Variants in RASA3 observed in about 807,000 individuals in gnomAD.
RASA3 encodes the protein RAS p21 protein activator 3, also known as ras GTPase-activating protein 3.
A neutral mutation model predicts 110.0 loss-of-function variants in RASA3; 73 were observed. The observed-to-expected ratio is 0.66, with a 90% CI of 0.55 to 0.81. The LOEUF is 0.81. Ranked by LOEUF, RASA3 falls within the 30% of genes least tolerant of loss-of-function variation. The pLI, the probability that RASA3 is intolerant of heterozygous loss-of-function variation, is 0.00. For synonymous variants in RASA3, 500 were observed against 451.4 expected, an observed-to-expected ratio of 1.11 and a Z score of -1.37; for missense variants, 976 against 1,113.2, an observed-to-expected ratio of 0.88 and a Z score of 1.75.
intron 1 of RASA3, among the ~76,000 whole-genome samples, chr13:114,083,324 C>T (rs1032089718): frequency 6.6e-6 from 1 of 152,238 alleles, no homozygotes; most frequent in African/African-American, 2.4e-5. Flanking sequence ...TCAATTTCCT[C>T]CGATGTGTGG....
At chr13:114,046,234 C>T (rs1283653039) in intron 3 of RASA3, among the ~76,000 whole-genome samples, 1 of 152,240 alleles carries the variant, frequency 6.6e-6, no homozygotes, top group Non-Finnish European at 1.5e-5. Context: ...ATATGACACA[C>T]AGCAGGCGAG....
At chr13:114,004,034 A>T (rs910886659) in intron 18 of RASA3, among the ~76,000 whole-genome samples, 1 of 152,244 alleles carries the variant, frequency 6.6e-6, no homozygotes, top group Non-Finnish European at 1.5e-5. Context: ...AACATTTTGC[A>T]TTTCTAACAT....
rs763675415 is a variant in RASA3, at chr13:114,017,353, T to A, written c.1092-2A>T. ...CCTCGGAAGATGGTGTTGGGGTCCC[T>A]GGGAAATGGCGATGGGGACAGCGTT... On this transcript the variant is annotated splice_acceptor_variant, in intron 11 of 23. Transcript: ENST00000334062. LOFTEE classifies it high-confidence loss of function. 1 of 1,612,122 alleles carries A rather than the reference T, an allele frequency of 6.2e-7. No homozygotes were observed.
intron 1 of RASA3, among the ~76,000 whole-genome samples, chr13:114,092,582 T>A (rs1473310391): frequency 6.6e-6 from 1 of 152,218 alleles, no homozygotes; most frequent in African/African-American, 2.4e-5. Context: ...TGAGCTAACC[T>A]ATAGTCTATC....
chr13:114,017,113 G>A, intron 12 of RASA3, 124 bp downstream of exon 12: 9 of 827,118 alleles, frequency 1.1e-5, no homozygotes, highest in Non-Finnish European at 1.8e-5. Context: ...TCCCCGTGGC[G>A]AGGCCAGAGG....
chr13:113,977,835 C>T lies in RASA3; in HGVS notation c.*1512G>A, dbSNP rs528007649. The T allele has an allele frequency of 6.6e-6, 1 of 152,508 alleles. No homozygotes were observed. Among genetic ancestry groups the T allele is most frequent in the Admixed American group, 6.5e-5 (1 of 15,290 alleles). 9.4% of individuals were successfully genotyped at this position (152,508 alleles called of 1,614,324 possible). ...TTGGCCAGTAAAATACATTGCAAAT[C>T]ATTAGTATTTTATAAACAGAAACAT... On this transcript the variant is annotated 3_prime_UTR_variant, in exon 24 of 24. Transcript: ENST00000334062.
At chr13:114,088,798 C>T (rs1233880501) in intron 1 of RASA3, among the ~76,000 whole-genome samples, 1 of 152,210 alleles carries the variant, frequency 6.6e-6, no homozygotes, top group Non-Finnish European at 1.5e-5. Flanking sequence ...GATCCAACCG[C>T]CTTGGCCTCC....
At chr13:114,018,942 G>A in intron 9 of RASA3, 23 bp from the exon 10 acceptor site, 1 of 1,612,716 alleles carries the variant, frequency 6.2e-7, no homozygotes, top group Non-Finnish European at 8.5e-7. Context: ...GACACATGGA[G>A]GGGAGGCATG....
chr13:114,055,610 TACA>T (rs11467997), intron 2 of RASA3, among the ~76,000 whole-genome samples: 20,553 of 152,322 alleles, frequency 0.13, 1,773 homozygotes, highest in Middle Eastern at 0.21. Context: ...TTGGGATTTT[TACA>T]ACGACAAAAC....
intron 1 of RASA3, among the ~76,000 whole-genome samples, chr13:114,117,790 CGT>C (rs777177114): frequency 3.3e-5 from 4 of 120,372 alleles, no homozygotes; most frequent in African/African-American, 9.9e-5. Flanking sequence ...GAGGAGAGCA[CGT>C]GTGTGAGGGG....
intron 14 of RASA3, among the ~76,000 whole-genome samples, chr13:114,013,944 ATCTCTCTG>A (rs538615405): frequency 0.02 from 586 of 28,978 alleles, 40 homozygotes; most frequent in East Asian, 0.14. Flanking sequence ...CCCTGTCTCT[ATCTCTCTG>A]TCTCTCTCTC....
rs1052813638 is a variant in RASA3, at chr13:114,112,105, C to CCCCT, written c.55+20329_55+20330insAGGG. ...GAAACAGCAGCCCCCAGGCACCCCC[C>CCCCT]CCAGCAACTGGGACAAGGGCACACC... On this transcript the variant is annotated intron_variant, in intron 1 of 23. Coordinates refer to ENST00000334062, the MANE Select transcript of RASA3 (RefSeq NM_007368.4). The surrounding 1 kb of genome is among the most constrained non-coding windows in gnomAD (Gnocchi z 4.8). Among the ~76,000 whole-genome samples, 2 of 151,740 alleles carry CCCCT rather than the reference C, an allele frequency of 1.3e-5. No homozygotes were observed. Among genetic ancestry groups the CCCCT allele is most frequent in the Non-Finnish European group, 2.9e-5 (2 of 67,910 alleles).
intron 1 of RASA3, among the ~76,000 whole-genome samples, chr13:114,080,519 C>A (rs914530810): frequency 3.9e-5 from 6 of 152,148 alleles, no homozygotes; most frequent in African/African-American, 1.2e-4. Context: ...GGTGACCAGG[C>A]CCAGATGTTA....
chr13:114,115,138 C>A lies in RASA3; in HGVS notation c.55+17297G>T, dbSNP rs1019765077. On this transcript the variant is annotated intron_variant, in intron 1 of 23. Coordinates refer to ENST00000334062, the MANE Select transcript of RASA3 (RefSeq NM_007368.4). The surrounding 1 kb of genome is among the most constrained non-coding windows in gnomAD (Gnocchi z 5.0). ...GAGGCCGCTGAACAAGGCACAGGGC[C>A]AGGTCTGGCCGTGTAAAAATACTTG... Among the ~76,000 whole-genome samples, 11 of 152,222 alleles carry A rather than the reference C, an allele frequency of 7.2e-5. No individual in the cohort carries two copies. Among genetic ancestry groups the A allele is most frequent in the African/African-American group, 2.4e-4 (10 of 41,456 alleles).
At position 113,979,265 on chromosome 13, in the gene RASA3, G is replaced by T; in HGVS notation, c.*82C>A. On this transcript the variant is annotated 3_prime_UTR_variant, in exon 24 of 24. Transcript: ENST00000334062. The stretch of plus-strand genomic sequence containing the variant: ...GTGCATCTCACTTTGCCGGCTCTGC[G>T]CTCTTCCTTCTCTTCTCCCTCCCAA... 1 of 1,346,174 alleles carries T rather than the reference G, an allele frequency of 7.4e-7. No individual in the cohort carries two copies. Among genetic ancestry groups the T allele is most frequent in the Non-Finnish European group, 1.1e-6 (1 of 940,718 alleles). 83.4% of individuals were successfully genotyped at this position (1,346,174 alleles called of 1,614,324 possible).
chr13:114,016,438 C>A (rs1374118253), intron 12 of RASA3, among the ~76,000 whole-genome samples, 167 bp from the exon 13 acceptor site: 1 of 152,130 alleles, frequency 6.6e-6, no homozygotes, highest in Non-Finnish European at 1.5e-5. Flanking sequence ...CACGGTGAGG[C>A]CGGACTGCAG....
chr13:113,996,631 T>G lies in RASA3; in HGVS notation c.2041A>C (p.Lys681Gln), dbSNP rs761798116. 2.5e-6 allele frequency: 4 copies of G among 1,613,638 alleles called. No individual in the cohort carries two copies. The highest frequency in any genetic ancestry group is 3.4e-6 in the Non-Finnish European group (4 of 1,180,030). The change falls in exon 21 of 24, where the codon AAG becomes CAG. Residue 681 changes from lysine to glutamine, a missense_variant. Around this residue, in one of 4 missense-constraint regions of RASA3, gnomAD observed 109 missense variants for 162.5 expected, o/e 0.67. Transcript: ENST00000334062. Reference sequence around the variant, plus strand: ...GACGGGTGGTAGACGGTGAGGCGCTTCTGGTTGCACTGGCTCACTTTGGTG... The same window carrying G: ...GACGGGTGGTAGACGGTGAGGCGCTGCTGGTTGCACTGGCTCACTTTGGTG... ...ILTKVSQCNQKRLTVYHPSAY... is the reference protein window; with the variant it reads ...ILTKVSQCNQQRLTVYHPSAY...
chr13:114,010,333 C>T (rs761433173), intron 16 of RASA3, among the ~76,000 whole-genome samples: 11 of 151,992 alleles, frequency 7.2e-5, no homozygotes, highest in Non-Finnish European at 1.5e-4. Flanking sequence ...GACGGAGCCC[C>T]GAGGGGGCCC....
At chr13:114,055,748 G>A (rs1003462910) in intron 2 of RASA3, among the ~76,000 whole-genome samples, 3 of 152,158 alleles carry the variant, frequency 2.0e-5, no homozygotes, top group South Asian at 2.1e-4. Context: ...GTTCGCTCCC[G>A]GCAGAGCCCC....
Sources: gnomAD v4.1 joint callset for allele counts (sites outside exome capture counted in the v4.1 genomes callset) on GRCh38, gnomAD v4.1.1 for gene constraint, gnomAD v4.1.1 regional missense constraint, Gnocchi (gnomAD v3.1) non-coding constraint, MANE v1.5 for transcripts, NCBI Gene and HGNC (gene_info 2026-07-23, HGNC 2026-07-21) for gene names.